The following ARHGEF19 variants were observed in gnomAD, a reference collection of about 807,000 sequenced individuals.
ARHGEF19 encodes the protein Rho guanine nucleotide exchange factor (GEF) 19.
In ARHGEF19, 92 loss-of-function variants were observed where a neutral mutation model predicts 87.6. That is an observed-to-expected ratio of 1.05 (90% CI 0.89 to 1.25). ARHGEF19 has a LOEUF of 1.25. Among genes scored for constraint, ARHGEF19 ranks in the 50% most tolerant of loss-of-function variants. The pLI is 0.00. For missense variants in ARHGEF19, 1,054 were observed against 1,051.8 expected (o/e 1.00, Z -0.03); for synonymous variants, 438 against 446.2 (o/e 0.98, Z 0.23).
In ARHGEF19 at chr1:16,209,084, C is replaced by G. The variant is rs749800432; in HGVS notation, c.-29-1G>C. 37 of 1,439,056 alleles carry G rather than the reference C, an allele frequency of 2.6e-5. No homozygotes were observed. The highest frequency in any genetic ancestry group is 3.2e-5 in the Non-Finnish European group (35 of 1,096,604). 89.1% of individuals were successfully genotyped at this position (1,439,056 alleles called of 1,614,324 possible). A position where few individuals can be genotyped will look rare whatever the true frequency, so the allele number is the denominator to read the frequency against. On this transcript the variant is annotated splice_acceptor_variant, in intron 1 of 15. Transcript: ENST00000270747. LOFTEE classifies it low-confidence loss of function (5UTR_SPLICE). ...CTTTTGCTCTGCCACCCACCTGGCCCTGCAGAAGAGAAGATATCAGACCTA... is the reference window on the plus strand; with the variant it reads ...CTTTTGCTCTGCCACCCACCTGGCCGTGCAGAAGAGAAGATATCAGACCTA...
At position 16,207,075 on chromosome 1, in the gene ARHGEF19, G is replaced by A. The variant is rs1464180292; in HGVS notation, c.1010C>T (p.Pro337Leu). ...GPGPPRANLSPSSSFRAQRSA... is the reference protein window; with the variant it reads ...GPGPPRANLSLSSSFRAQRSA... The stretch of plus-strand genomic sequence containing the variant: ...GCGCTGCGCCCGGAAGGAGCTGCTG[G>A]GGGAGAGGTTGGCCCGCGGCGGCCC... Residue 337 changes from proline to leucine, a missense_variant, in exon 6 of 16, where the codon CCC becomes CTC. Pro to Leu is a moderately conservative substitution (Grantham distance 98). Transcript: ENST00000270747. This position sits in a 1 kb window ranked among gnomAD's most constrained non-coding sequence, Gnocchi z 4.0. 2.0e-6 allele frequency: 3 copies of A among 1,509,626 alleles called. No homozygotes were observed. Among genetic ancestry groups the A allele is most frequent in the African/African-American group, 2.9e-5 (2 of 68,656 alleles). 93.5% of individuals were successfully genotyped at this position (1,509,626 alleles called of 1,614,324 possible). A position where few individuals can be genotyped will look rare whatever the true frequency, so the allele number is the denominator to read the frequency against.
chr1:16,203,138 G>C (rs1451295452), intron 12 of ARHGEF19, among the ~76,000 whole-genome samples: 2 of 152,284 alleles, frequency 1.3e-5, no homozygotes, highest in Non-Finnish European at 2.9e-5. Context: ...TGATGATACT[G>C]CCTGACCCAC....
intron 12 of ARHGEF19, 138 bp from the exon 13 acceptor site, chr1:16,202,712 T>C (rs2081094212): frequency 8.8e-7 from 1 of 1,138,976 alleles, no homozygotes. Flanking sequence ...GGGTCCTGCT[T>C]CTGGATAGGG....
At position 16,207,754 on chromosome 1, in the gene ARHGEF19, G is replaced by T; in HGVS notation, c.718C>A (p.Arg240=). The change falls in exon 4 of 16, where the codon CGA becomes AGA. Residue 240 remains arginine, a synonymous_variant. Transcript: ENST00000270747. This position sits in a 1 kb window ranked among gnomAD's most constrained non-coding sequence, Gnocchi z 4.0. The part of the protein sequence containing the change: ...REGKASGMEA[R]SVEMSGDRVS... Reference sequence around the variant, plus strand: ...CGGTCCCCGCTCATCTCTACACTTCGAGCCTCCATTCCAGATGCTTTCCCT... The same window carrying T: ...CGGTCCCCGCTCATCTCTACACTTCTAGCCTCCATTCCAGATGCTTTCCCT... 1 of 1,614,024 alleles carries T rather than the reference G, an allele frequency of 6.2e-7. No individual in the cohort carries two copies.
Position 16,198,842 on chromosome 1 carries a change from C to T in ARHGEF19, c.2252-98G>A, listed in dbSNP as rs1181394076. 3 of 1,442,112 alleles carry T rather than the reference C, an allele frequency of 2.1e-6. No homozygotes were observed. Among genetic ancestry groups the T allele is most frequent in the Non-Finnish European group, 2.8e-6 (3 of 1,074,504 alleles). The allele number at this position is 1,442,112 out of a possible 1,614,324, so 89.3% of individuals were successfully genotyped here. On this transcript the variant is annotated intron_variant, in intron 15 of 15. Coordinates refer to ENST00000270747, the MANE Select transcript of ARHGEF19 (RefSeq NM_153213.5). This position sits in a 1 kb window ranked among gnomAD's most constrained non-coding sequence, Gnocchi z 4.1. ...CCCTGATGCAAGCTTTGTCTGCACC[C>T]TTGGGGCCAAGGTGACATCATCTCA...
Position 16,206,425 on chromosome 1 carries a change from C to G in ARHGEF19, c.1138-85G>C. ...CCTCACATCCCCAGACCCCAGGACG[C>G]CACACCTCGCGTCCTCGCCCCTTCT... On this transcript the variant is annotated intron_variant, in intron 6 of 15. Coordinates refer to ENST00000270747, the MANE Select transcript of ARHGEF19 (RefSeq NM_153213.5). The surrounding 1 kb of genome is among the most constrained non-coding windows in gnomAD (Gnocchi z 4.6). The G allele has an allele frequency of 1.4e-6, 2 of 1,458,968 alleles. No individual in the cohort carries two copies. Among genetic ancestry groups the G allele is most frequent in the Non-Finnish European group, 1.9e-6 (2 of 1,064,056 alleles). 90.4% of individuals were successfully genotyped at this position (1,458,968 alleles called of 1,614,324 possible).
In ARHGEF19 at chr1:16,207,581, T is replaced by TC; in HGVS notation, c.814dup (p.Glu272GlyfsTer20). The TC allele has an allele frequency of 6.2e-7, 1 of 1,613,924 alleles. No homozygotes were observed. Among genetic ancestry groups the TC allele is most frequent in the African/African-American group, 1.3e-5 (1 of 75,016 alleles). ...GGTGCTCCTGGACCCCAAAGGCGGC[T>TC]CTTCCTGTGTGTCTAGCCTAGGAAA... On this transcript the variant is annotated frameshift_variant, in exon 5 of 16. Coordinates refer to ENST00000270747, the MANE Select transcript of ARHGEF19 (RefSeq NM_153213.5). LOFTEE classifies it high-confidence loss of function. This position sits in a 1 kb window ranked among gnomAD's most constrained non-coding sequence, Gnocchi z 4.0.
At chr1:16,204,537 C>T (rs963231636) in intron 12 of ARHGEF19, among the ~76,000 whole-genome samples, 4 of 152,192 alleles carry the variant, frequency 2.6e-5, no homozygotes, top group African/African-American at 9.7e-5. Flanking sequence ...TCCAAGTCCT[C>T]GGCATACAGT....
chr1:16,204,501 T>C (rs577845210), intron 12 of ARHGEF19, among the ~76,000 whole-genome samples: 2 of 152,324 alleles, frequency 1.3e-5, no homozygotes, highest in South Asian at 4.1e-4. Flanking sequence ...TAGTCTCTGC[T>C]CTTACTGGCT....
Position 16,198,687 on chromosome 1 carries a change from T to C in ARHGEF19, c.2309A>G (p.Tyr770Cys). ...GCTGAGGCTGCTGATCTCTTCCACA[T>C]AGGCCTGGGGCACCCACCCCTTCTC... The part of the protein sequence containing the change: ...DGEKGWVPQA[Y>C]VEEISSLSAR... Residue 770 changes from tyrosine to cysteine, a missense_variant, in exon 16 of 16, where the codon TAT (tyrosine) becomes TGT (cysteine). Transcript: ENST00000270747. This position sits in a 1 kb window ranked among gnomAD's most constrained non-coding sequence, Gnocchi z 4.1. The C allele has an allele frequency of 5.0e-6, 8 of 1,613,482 alleles. No individual in the cohort carries two copies. Among genetic ancestry groups the C allele is most frequent in the Non-Finnish European group, 6.8e-6 (8 of 1,179,654 alleles).
chr1:16,199,120 C>G, intron 15 of ARHGEF19, 30 bp downstream of exon 15: 8 of 1,610,084 alleles, frequency 5.0e-6, no homozygotes, highest in Non-Finnish European at 6.8e-6. Flanking sequence ...CAAGCCCCAT[C>G]AGGGACACTT....
chr1:16,209,076 A>G lies in ARHGEF19; in HGVS notation c.-22T>C. On this transcript the variant is annotated 5_prime_UTR_variant, in exon 2 of 16. Coordinates refer to ENST00000270747, the MANE Select transcript of ARHGEF19 (RefSeq NM_153213.5). ...CCATTCCTCTTTTGCTCTGCCACCC[A>G]CCTGGCCCTGCAGAAGAGAAGATAT... 1 of 1,446,990 alleles carries G rather than the reference A, an allele frequency of 6.9e-7. No homozygotes were observed. Among genetic ancestry groups the G allele is most frequent in the Non-Finnish European group, 9.1e-7 (1 of 1,100,272 alleles). 89.6% of individuals were successfully genotyped at this position (1,446,990 alleles called of 1,614,324 possible).
Position 16,202,581 on chromosome 1 carries a change from G to A in ARHGEF19, c.1908-7C>T. ...AACGGCAAACTTCCCTAGCCTGGAG[G>A]ACCGGGGGAGGGGAGGTCAGCCTGG... On this transcript the variant is annotated splice_region_variant and splice_polypyrimidine_tract_variant and intron_variant, in intron 12 of 15. Coordinates refer to ENST00000270747, the MANE Select transcript of ARHGEF19 (RefSeq NM_153213.5). 1.2e-6 allele frequency: 2 copies of A among 1,610,852 alleles called. No individual in the cohort carries two copies.
intron 12 of ARHGEF19, 68 bp from the exon 13 acceptor site, chr1:16,202,642 C>T: frequency 6.4e-7 from 1 of 1,561,754 alleles, no homozygotes; most frequent in Non-Finnish European, 8.7e-7. Context: ...CCCTCGGGAT[C>T]AGGTGGGTTC....
At position 16,205,546 on chromosome 1, in the gene ARHGEF19, A is replaced by T; in HGVS notation, c.1573T>A (p.Leu525Met). The T allele has an allele frequency of 6.2e-7, 1 of 1,613,918 alleles. No homozygotes were observed. ...PFQRITRLKMLVENILKRTAQ... is the reference protein window; with the variant it reads ...PFQRITRLKMMVENILKRTAQ... ...CTGTCCCCTCGAGGTACCTCCACCAACATCTTGAGGCGGGTGATCCTCTGG... is the reference window on the plus strand; with the variant it reads ...CTGTCCCCTCGAGGTACCTCCACCATCATCTTGAGGCGGGTGATCCTCTGG... Residue 525 changes from leucine (L) to methionine (M), a missense_variant, in exon 9 of 16, where the codon TTG becomes ATG. Physicochemically the swap from Leu to Met is conservative, Grantham distance 15. Transcript: ENST00000270747. The surrounding 1 kb of genome is among the most constrained non-coding windows in gnomAD (Gnocchi z 5.8).
At chr1:16,201,655 C>T in intron 14 of ARHGEF19, 127 bp downstream of exon 14, 4 of 951,650 alleles carry the variant, frequency 4.2e-6, no homozygotes, top group Non-Finnish European at 6.2e-6. Context: ...CAGAGCTACC[C>T]CTGACTGCCC....
chr1:16,199,105 C>T, intron 15 of ARHGEF19, 45 bp downstream of exon 15: 1 of 1,592,110 alleles, frequency 6.3e-7, no homozygotes, highest in Non-Finnish European at 8.6e-7. Context: ...CACCTCCTGC[C>T]CACCCAAGCC....
intron 13 of ARHGEF19, 21 bp from the exon 14 acceptor site, chr1:16,201,882 G>A: frequency 6.2e-7 from 1 of 1,612,216 alleles, no homozygotes; most frequent in Non-Finnish European, 8.5e-7. Context: ...GGGAGGCTAA[G>A]TTGTCACAAT....
chr1:16,205,727 C>T lies in ARHGEF19; in HGVS notation c.1452-60G>A, dbSNP rs562619413. ...GGCCTGAATTCCTGGGATCCACAAC[C>T]CTGGCCATCCACGGGGTCCTCAGGG... On this transcript the variant is annotated intron_variant, in intron 8 of 15. Transcript: ENST00000270747. The surrounding 1 kb of genome is among the most constrained non-coding windows in gnomAD (Gnocchi z 5.8). The T allele has an allele frequency of 1.3e-6, 2 of 1,545,298 alleles. No homozygotes were observed. The highest frequency in any genetic ancestry group is 2.4e-5 in the East Asian group (1 of 41,808).
Sources: allele counts gnomAD v4.1 joint callset (sites outside exome capture counted in the v4.1 genomes callset), GRCh38; gene constraint gnomAD v4.1.1; non-coding constraint Gnocchi (gnomAD v3.1); transcripts MANE v1.5; gene names NCBI Gene and HGNC (gene_info 2026-07-23, HGNC 2026-07-21).